RAB39A: variants seen among roughly 807,000 people sequenced by gnomAD.
The protein encoded by RAB39A is ras-related protein Rab-39A.
A neutral mutation model predicts 20.9 loss-of-function variants in RAB39A; 17 were observed. That is an observed-to-expected ratio of 0.81 (90% CI 0.56 to 1.22). RAB39A has a LOEUF of 1.22. Among genes scored for constraint, RAB39A ranks in the 50% most tolerant of loss-of-function variants. The probability of loss-of-function intolerance (pLI) is 0.00; values close to 1 mark genes in which losing one functional copy is unlikely to be tolerated. For synonymous variants in RAB39A, 99 were observed against 103.4 expected, an observed-to-expected ratio of 0.96 and a Z score of 0.26; for missense variants, 234 against 270.5, an observed-to-expected ratio of 0.87 and a Z score of 0.95.
intron 1 of RAB39A, among the ~76,000 whole-genome samples, chr11:107,955,290 C>T (rs1279437207): frequency 1.3e-5 from 2 of 152,116 alleles, no homozygotes; most frequent in East Asian, 1.9e-4. Flanking sequence ...AGCCACTGCA[C>T]GCGGCCAAAA....
At chr11:107,939,891 G>A (rs944892127) in intron 1 of RAB39A, among the ~76,000 whole-genome samples, 1 of 152,166 alleles carries the variant, frequency 6.6e-6, no homozygotes, top group East Asian at 1.9e-4. Flanking sequence ...AGATATGGTT[G>A]TGAGTCCATG....
chr11:107,943,756 G>C (rs1861282478), intron 1 of RAB39A, among the ~76,000 whole-genome samples: 1 of 152,034 alleles, frequency 6.6e-6, no homozygotes, highest in Non-Finnish European at 1.5e-5. Flanking sequence ...AGACTGCCAA[G>C]ATATGGCAAC....
intron 1 of RAB39A, among the ~76,000 whole-genome samples, chr11:107,952,211 A>T (rs543920717): frequency 3.9e-5 from 6 of 152,364 alleles, no homozygotes; most frequent in African/African-American, 1.4e-4. Flanking sequence ...ACAATGGAAC[A>T]TTATTCCATT....
intron 1 of RAB39A, among the ~76,000 whole-genome samples, chr11:107,960,078 C>T (rs1219376638): frequency 6.6e-6 from 1 of 152,062 alleles, no homozygotes; most frequent in Non-Finnish European, 1.5e-5. Context: ...GGGGTGGTGG[C>T]ATGCGCCTAT....
At position 107,948,706 on chromosome 11, in the gene RAB39A, C is replaced by G. The variant is rs541183790; in HGVS notation, c.228-13240C>G. 4.6e-5 allele frequency among the ~76,000 whole-genome samples: 7 copies of G among 152,242 alleles called. No individual in the cohort carries two copies. The South Asian group carries it at 1.5e-3, about 32-fold the overall frequency. The stretch of plus-strand genomic sequence containing the variant: ...CCGCCTTCCTCAGCCTCCCAAAGTG[C>G]TGGGATTACAAGCGTGAGCCACCGC... On this transcript the variant is annotated intron_variant, in intron 1 of 1. Transcript: ENST00000320578.
At chr11:107,930,258 T>C (rs1403839418) in intron 1 of RAB39A, among the ~76,000 whole-genome samples, 1 of 152,220 alleles carries the variant, frequency 6.6e-6, no homozygotes, top group Non-Finnish European at 1.5e-5. Context: ...CCTCCTTTTA[T>C]TAAAATAATT....
At chr11:107,961,738 A>G (rs1001973374) in intron 1 of RAB39A, among the ~76,000 whole-genome samples, 4 of 152,248 alleles carry the variant, frequency 2.6e-5, no homozygotes, top group Non-Finnish European at 2.9e-5. Flanking sequence ...AAAAATAACT[A>G]CTACTTTCGT....
intron 1 of RAB39A, among the ~76,000 whole-genome samples, chr11:107,955,089 C>T (rs1591248689): frequency 3.5e-5 from 5 of 143,612 alleles, no homozygotes; most frequent in Non-Finnish European, 1.5e-5. Flanking sequence ...CTCCACCTCC[C>T]GGGTTCACGC....
chr11:107,945,311 G>A (rs1428670155), intron 1 of RAB39A, among the ~76,000 whole-genome samples: 5 of 54,326 alleles, frequency 9.2e-5, no homozygotes, highest in Admixed American at 3.1e-4. Context: ...GCAAAACCCC[G>A]TCTCTACAAA....
At chr11:107,956,154 A>G (rs1565466553) in intron 1 of RAB39A, among the ~76,000 whole-genome samples, 1 of 152,192 alleles carries the variant, frequency 6.6e-6, no homozygotes, top group Non-Finnish European at 1.5e-5. Context: ...AATAGATATA[A>G]TGTTGGGCAC....
At chr11:107,945,633 G>A (rs372027182) in intron 1 of RAB39A, among the ~76,000 whole-genome samples, 45 of 152,086 alleles carry the variant, frequency 3.0e-4, no homozygotes, top group African/African-American at 1.0e-3. Context: ...CTTGGGAAAT[G>A]GTGACACCAG....
At chr11:107,958,059 T>A (rs190887014) in intron 1 of RAB39A, among the ~76,000 whole-genome samples, 1 of 152,058 alleles carries the variant, frequency 6.6e-6, no homozygotes, top group Admixed American at 6.5e-5. Flanking sequence ...GCCTGGCTAT[T>A]TTATGTATTT....
chr11:107,946,351 T>C (rs550234091), intron 1 of RAB39A, among the ~76,000 whole-genome samples: 8 of 129,676 alleles, frequency 6.2e-5, no homozygotes, highest in Admixed American at 3.1e-4. Flanking sequence ...CACATATATA[T>C]ACACACACAC....
At chr11:107,938,359 C>CAAAAAAAA (rs58613355) in intron 1 of RAB39A, among the ~76,000 whole-genome samples, 2 of 63,374 alleles carry the variant, frequency 3.2e-5, no homozygotes, top group Non-Finnish European at 5.4e-5. Context: ...GACTCCGTCT[C>CAAAAAAAA]AAAAAAAAAA....
chr11:107,929,589 AT>A (rs1401346453), intron 1 of RAB39A, among the ~76,000 whole-genome samples: 5 of 152,092 alleles, frequency 3.3e-5, no homozygotes, highest in Non-Finnish European at 7.3e-5. Context: ...AGGAACTTTA[AT>A]TTTGCTTATG....
At position 107,934,929 on chromosome 11, in the gene RAB39A, CAAAAAAAAAA is replaced by C. The variant is rs55682157; in HGVS notation, c.227+6147_227+6156del. ...GGGGGACAAGAGCGAGACTTCGTCTCAAAAAAAAAAAAAAAAAAAAAATAGAGACAGCCTC... is the reference window on the plus strand; with the variant it reads ...GGGGGACAAGAGCGAGACTTCGTCTCAAAAAAAAAAAATAGAGACAGCCTC... On this transcript the variant is annotated intron_variant, in intron 1 of 1. Transcript: ENST00000320578. 1.9e-4 allele frequency among the ~76,000 whole-genome samples: 19 copies of C among 101,644 alleles called. No homozygotes were observed. The East Asian group carries it at 5.3e-3, about 28-fold the overall frequency. The allele number at this position is 101,644 out of a possible 152,430, so 66.7% of individuals were successfully genotyped here.
At chr11:107,941,826 C>T (rs1162717497) in intron 1 of RAB39A, among the ~76,000 whole-genome samples, 3 of 152,278 alleles carry the variant, frequency 2.0e-5, no homozygotes, top group East Asian at 3.9e-4. Context: ...GTCGCAGTGG[C>T]TCACGCCTGT....
chr11:107,947,322 T>C (rs1383554876), intron 1 of RAB39A, among the ~76,000 whole-genome samples: 1 of 152,080 alleles, frequency 6.6e-6, no homozygotes, highest in Non-Finnish European at 1.5e-5. Flanking sequence ...TTAGCCAGGA[T>C]GGTCTTGATC....
intron 1 of RAB39A, among the ~76,000 whole-genome samples, chr11:107,935,398 A>G (rs1047377169): frequency 6.6e-6 from 1 of 150,826 alleles, no homozygotes; most frequent in Non-Finnish European, 1.5e-5. Flanking sequence ...TTTTGGAGAC[A>G]GAGTCTGGCT....
Sources: gnomAD v4.1 joint callset for allele counts (sites outside exome capture counted in the v4.1 genomes callset) on GRCh38, gnomAD v4.1.1 for gene constraint, MANE v1.5 for transcripts, NCBI Gene and HGNC (gene_info 2026-07-23, HGNC 2026-07-21) for gene names.